The following ATP11B variants were observed in gnomAD, a reference collection of about 807,000 sequenced individuals.
The protein encoded by ATP11B is ATPase phospholipid transporting 11B (putative).
Under a neutral mutation model 157.8 loss-of-function variants are expected in ATP11B, and 81 were observed. The observed-to-expected ratio is 0.51, with a 90% CI of 0.43 to 0.62. The LOEUF (loss-of-function observed/expected upper bound fraction) is 0.62. Ranked by LOEUF, ATP11B falls within the 20% of genes least tolerant of loss-of-function variation. The probability of loss-of-function intolerance (pLI) is 0.00; values close to 1 mark genes in which losing one functional copy is unlikely to be tolerated. For synonymous variants in ATP11B, 451 were observed against 469.4 expected, an observed-to-expected ratio of 0.96 and a Z score of 0.51; for missense variants, 1,165 against 1,402.2, an observed-to-expected ratio of 0.83 and a Z score of 2.70.
At chr3:182,843,012 C>G (rs144867154) in intron 8 of ATP11B, among the ~76,000 whole-genome samples, 1 of 152,204 alleles carries the variant, frequency 6.6e-6, no homozygotes, top group Non-Finnish European at 1.5e-5. Context: ...AGCAAACAGA[C>G]AGCTTCACTC....
intron 26 of ATP11B, 83 bp downstream of exon 26, chr3:182,896,848 G>C: frequency 1.1e-6 from 1 of 927,772 alleles, no homozygotes; most frequent in Admixed American, 2.2e-5. Context: ...TTTAGCCATA[G>C]ATACTTTCCC....
chr3:182,904,649 A>T (rs1304850965), intron 28 of ATP11B, among the ~76,000 whole-genome samples: 1 of 152,194 alleles, frequency 6.6e-6, no homozygotes, highest in Admixed American at 6.5e-5. Context: ...GCATTTTGGG[A>T]GGCCAAGATG....
chr3:182,916,742 T>C (rs1725167134), intron 29 of ATP11B: 3 of 984,068 alleles, frequency 3.0e-6, no homozygotes, highest in Non-Finnish European at 3.6e-6. Flanking sequence ...TGAAGGAGAC[T>C]TTACCTAATA....
chr3:182,893,586 C>G (rs764020908), intron 25 of ATP11B, among the ~76,000 whole-genome samples: 1 of 152,178 alleles, frequency 6.6e-6, no homozygotes, highest in Non-Finnish European at 1.5e-5. Context: ...TTTATCCACT[C>G]ATTAATCGAT....
At chr3:182,902,050 T>G (rs957202275) in intron 28 of ATP11B, among the ~76,000 whole-genome samples, 2 of 152,214 alleles carry the variant, frequency 1.3e-5, no homozygotes, top group African/African-American at 4.8e-5. Context: ...TCCTTTTTTT[T>G]GCTGAAACAG....
At chr3:182,905,113 A>G (rs1233179919) in intron 28 of ATP11B, among the ~76,000 whole-genome samples, 4 of 152,118 alleles carry the variant, frequency 2.6e-5, no homozygotes, top group African/African-American at 9.7e-5. Context: ...TCATAGAAAT[A>G]ATTATTGGTC....
intron 29 of ATP11B, chr3:182,916,704 C>CA: frequency 1.0e-6 from 1 of 982,626 alleles, no homozygotes; most frequent in Non-Finnish European, 1.2e-6. Flanking sequence ...TATGAATGCA[C>CA]ATGTGTGCTT....
chr3:182,896,016 A>G (rs1723524153), intron 25 of ATP11B, among the ~76,000 whole-genome samples: 1 of 152,218 alleles, frequency 6.6e-6, no homozygotes, highest in South Asian at 2.1e-4. Flanking sequence ...AAAACGATGC[A>G]GTTTGGACTA....
intron 1 of ATP11B, among the ~76,000 whole-genome samples, chr3:182,797,349 G>A (rs1360315478): frequency 6.6e-6 from 1 of 152,136 alleles, no homozygotes; most frequent in East Asian, 1.9e-4. Context: ...TTGGAATGTG[G>A]CTAGTTTGAG....
intron 12 of ATP11B, 106 bp downstream of exon 12, chr3:182,859,465 C>G: frequency 1.0e-6 from 1 of 978,710 alleles, no homozygotes; most frequent in Admixed American, 3.4e-5. Flanking sequence ...ATACCAAAAA[C>G]AACCCCCCTT....
chr3:182,879,412 C>A, intron 19 of ATP11B, 84 bp from the exon 20 acceptor site: 1 of 1,182,406 alleles, frequency 8.5e-7, no homozygotes, highest in Non-Finnish European at 1.1e-6. Context: ...ATCCATCTTT[C>A]AGTAAGAATG....
At chr3:182,894,365 T>C (rs1723376682) in intron 25 of ATP11B, among the ~76,000 whole-genome samples, 1 of 152,202 alleles carries the variant, frequency 6.6e-6, no homozygotes, top group Admixed American at 6.5e-5. Context: ...TTTGTATTTT[T>C]AGTAGAGACA....
chr3:182,829,645 AT>A, intron 3 of ATP11B, 26 bp from the exon 4 acceptor site: 1 of 1,409,862 alleles, frequency 7.1e-7, no homozygotes. Flanking sequence ...AAAATATAAT[AT>A]TCTGTATTCT....
In ATP11B at chr3:182,884,874, C is replaced by T; in HGVS notation, c.2631C>T (p.Thr877=). 6.8e-7 allele frequency: 1 copy of T among 1,469,990 alleles called. No homozygotes were observed. Among genetic ancestry groups the T allele is most frequent in the Non-Finnish European group, 9.3e-7 (1 of 1,080,114 alleles). The allele number at this position is 1,469,990 out of a possible 1,614,324, so 91.1% of individuals were successfully genotyped here. A position where few individuals can be genotyped will look rare whatever the true frequency, so the allele number is the denominator to read the frequency against. ...HGHFYYIRIA[T]LVQYFFYKNV... ...ATTTTTATTATATTAGAATAGCTACCCTTGTACAGTATTTTTTTTATAAGG... is the reference window on the plus strand; with the variant it reads ...ATTTTTATTATATTAGAATAGCTACTCTTGTACAGTATTTTTTTTATAAGG... Residue 877 remains threonine (T), a synonymous_variant, in exon 22 of 30, where the codon ACC becomes ACT. Transcript: ENST00000323116.
Position 182,919,670 on chromosome 3 carries a change from T to C in ATP11B, c.*1566T>C, listed in dbSNP as rs1040459543. The C allele has an allele frequency of 1.3e-5, 2 of 152,196 alleles. No individual in the cohort carries two copies. Among genetic ancestry groups the C allele is most frequent in the East Asian group, 1.9e-4 (1 of 5,198 alleles). 9.4% of individuals were successfully genotyped at this position (152,196 alleles called of 1,614,324 possible). ...AAGCTTCCTTCCCATTTCATGAATA[T>C]AAGGCTTCTAGAATTGGACTGGCAG... On this transcript the variant is annotated 3_prime_UTR_variant, in exon 30 of 30. Transcript: ENST00000323116.
At chr3:182,857,297 C>T (rs1720477874) in intron 10 of ATP11B, among the ~76,000 whole-genome samples, 1 of 152,148 alleles carries the variant, frequency 6.6e-6, no homozygotes, top group South Asian at 2.1e-4. Flanking sequence ...AGGCGCCCGT[C>T]ACCACGCCCA....
chr3:182,909,394 CACA>C (rs1289666481), intron 28 of ATP11B, among the ~76,000 whole-genome samples: 3 of 152,208 alleles, frequency 2.0e-5, no homozygotes, highest in African/African-American at 7.2e-5. Flanking sequence ...GCTTACCAAT[CACA>C]ACTTCTAGTA....
chr3:182,817,249 A>G (rs1426087832), intron 1 of ATP11B, among the ~76,000 whole-genome samples: 1 of 150,754 alleles, frequency 6.6e-6, no homozygotes, highest in Non-Finnish European at 1.5e-5. Context: ...ATTCAGTTTA[A>G]TTTATAATGT....
intron 1 of ATP11B, among the ~76,000 whole-genome samples, chr3:182,797,659 G>C (rs1218621353): frequency 6.6e-6 from 1 of 152,022 alleles, no homozygotes; most frequent in Admixed American, 6.6e-5. Context: ...AGTAAGCCAA[G>C]ATCATGCCAC....
Sources: gnomAD v4.1 joint callset for allele counts (sites outside exome capture counted in the v4.1 genomes callset) on GRCh38, gnomAD v4.1.1 for gene constraint, MANE v1.5 for transcripts, NCBI Gene and HGNC (gene_info 2026-07-23, HGNC 2026-07-21) for gene names.